Variants in LY75 observed in about 807,000 individuals in gnomAD.
The protein encoded by LY75 is lymphocyte antigen 75, also known as C-type lectin domain family 13 member B.
Under a neutral mutation model 231.7 loss-of-function variants are expected in LY75, and 185 were observed. The ratio of observed to expected loss-of-function variants is 0.80; its 90% confidence interval spans 0.71 to 0.90. The LOEUF is 0.90. LY75 is among the 40% of genes least tolerant of loss of function. The probability of loss-of-function intolerance (pLI) is 0.00; values close to 1 mark genes in which losing one functional copy is unlikely to be tolerated. For missense variants in LY75, 1,947 were observed against 2,050.2 expected (o/e 0.95, Z 0.97); for synonymous variants, 668 against 689.0 (o/e 0.97, Z 0.48).
intron 25 of LY75, among the ~76,000 whole-genome samples, chr2:159,839,344 A>G (rs1162091850): frequency 6.6e-6 from 1 of 152,174 alleles, no homozygotes; most frequent in Non-Finnish European, 1.5e-5. Flanking sequence ...GCTTTATTTA[A>G]AAATCCCTTA....
chr2:159,858,257 T>G, intron 16 of LY75, 105 bp downstream of exon 16: 1 of 1,405,190 alleles, frequency 7.1e-7, no homozygotes, highest in Non-Finnish European at 9.6e-7. Flanking sequence ...ATCATAGGCT[T>G]TTAGACATCA....
intron 13 of LY75, among the ~76,000 whole-genome samples, chr2:159,868,329 TTTTATG>T (rs1292703513): frequency 6.6e-6 from 1 of 152,172 alleles, no homozygotes; most frequent in African/African-American, 2.4e-5. Flanking sequence ...TGTGCATTAC[TTTTATG>T]ATTAGAAAAA....
chr2:159,808,946 A>T (rs1443657896), intron 32 of LY75, among the ~76,000 whole-genome samples: 1 of 152,222 alleles, frequency 6.6e-6, no homozygotes, highest in Non-Finnish European at 1.5e-5. Context: ...CCAGACCCTC[A>T]TGCCTCCAAG....
intron 33 of LY75, chr2:159,807,895 C>G (rs1682834666): frequency 1.0e-6 from 1 of 985,290 alleles, no homozygotes; most frequent in Non-Finnish European, 1.2e-6. Flanking sequence ...AATCAATTAT[C>G]TGCAATTTTA....
At position 159,892,685 on chromosome 2, in the gene LY75, C is replaced by G. The variant is rs548199660; in HGVS notation, c.637+1229G>C. 7.2e-4 allele frequency among the ~76,000 whole-genome samples: 110 copies of G among 152,272 alleles called. 1 individual carries two copies. Among genetic ancestry groups the G allele is most frequent in the Admixed American group, 2.2e-3 (34 of 15,294 alleles). ...TATCACATGTCAGGTACCGTGATCC[C>G]CTGTAACTCTCACCTAATTGGTGAG... On this transcript the variant is annotated intron_variant, in intron 3 of 34. Transcript: ENST00000263636.
rs114320498 is a variant in LY75 at position 159,879,291 on chromosome 2, C to A, written c.1483G>T (p.Ala495Ser). ...GGAGGACACATCTTATCAGAACTTG[C>A]GTCATTCAGTTTTTCTCCCTTTCTC... ...CKRKGEKLND[A>S]SSDKMCPPDE... The change falls in exon 9 of 35, where the codon GCA (alanine) becomes TCA (serine). Residue 495 changes from alanine (A) to serine (S), a missense_variant. Transcript: ENST00000263636. 5 of 1,613,584 alleles carry A rather than the reference C, an allele frequency of 3.1e-6. No homozygotes were observed. The African/African-American group carries it at 5.3e-5, about 17-fold the overall frequency.
Position 159,823,467 on chromosome 2 carries a change from G to A in LY75, c.3959-3547C>T, listed in dbSNP as rs143383703. On this transcript the variant is annotated intron_variant, in intron 28 of 34. Transcript: ENST00000263636. ...GACTATGTGAAAAGACCAAATCTAC[G>A]TTTGACTGGTGTACCTGAAAGTGAT... Among the ~76,000 whole-genome samples the A allele has an allele frequency of 1.5e-4, 23 of 152,136 alleles. 1 individual carries two copies. The highest frequency in any genetic ancestry group is 8.5e-4 in the Admixed American group (13 of 15,284).
At chr2:159,846,009 G>T (rs1684192081) in intron 23 of LY75, among the ~76,000 whole-genome samples, 1 of 151,302 alleles carries the variant, frequency 6.6e-6, no homozygotes, top group South Asian at 2.1e-4. Flanking sequence ...TGTTGCCCAG[G>T]CTGGTCTCTG....
intron 14 of LY75, 33 bp from the exon 15 acceptor site, chr2:159,860,922 A>G (rs1171471850): frequency 1.9e-6 from 3 of 1,612,460 alleles, no homozygotes; most frequent in Admixed American, 3.3e-5. Context: ...AGAATTTAAG[A>G]CTGATGTATA....
At chr2:159,861,483 C>A (rs528890564) in intron 14 of LY75, among the ~76,000 whole-genome samples, 1 of 152,206 alleles carries the variant, frequency 6.6e-6, no homozygotes, top group African/African-American at 2.4e-5. Context: ...CACAGTGACT[C>A]ATGCTGGTAA....
intron 4 of LY75, among the ~76,000 whole-genome samples, chr2:159,888,195 T>C (rs1685649318): frequency 6.6e-6 from 1 of 152,036 alleles, no homozygotes; most frequent in Admixed American, 6.6e-5. Flanking sequence ...TAAAAAGAGA[T>C]AAAGATATCT....
At chr2:159,818,351 G>A (rs1463100667) in intron 29 of LY75, among the ~76,000 whole-genome samples, 1 of 152,162 alleles carries the variant, frequency 6.6e-6, no homozygotes, top group Non-Finnish European at 1.5e-5. Context: ...AAGTGAGAAT[G>A]CTCCCTCACA....
chr2:159,893,651 T>C (rs1041743271), intron 3 of LY75, among the ~76,000 whole-genome samples: 2 of 152,114 alleles, frequency 1.3e-5, no homozygotes, highest in African/African-American at 2.4e-5. Flanking sequence ...GCATGCCTTT[T>C]CCACACTTCC....
intron 27 of LY75, among the ~76,000 whole-genome samples, chr2:159,833,198 G>A (rs1031858271): frequency 6.8e-6 from 1 of 146,644 alleles, no homozygotes. Flanking sequence ...TTCAATCACA[G>A]CTCACTGCAC....
At chr2:159,842,159 T>C (rs1203299592) in intron 24 of LY75, 86 bp downstream of exon 24, 1 of 1,473,296 alleles carries the variant, frequency 6.8e-7, no homozygotes, top group African/African-American at 1.6e-5. Flanking sequence ...TTCCCCTCCC[T>C]CCCTATAGAA....
intron 23 of LY75, 67 bp from the exon 24 acceptor site, chr2:159,842,441 G>C: frequency 6.7e-7 from 1 of 1,489,308 alleles, no homozygotes; most frequent in Non-Finnish European, 9.0e-7. Context: ...AGCAAGAAAA[G>C]TTTAGATTCT....
At chr2:159,883,408 T>A (rs192232618) in intron 6 of LY75, among the ~76,000 whole-genome samples, 27 of 152,254 alleles carry the variant, frequency 1.8e-4, no homozygotes, top group African/African-American at 6.3e-4. Flanking sequence ...TGAAATAGCA[T>A]GTATTATTGT....
intron 2 of LY75, among the ~76,000 whole-genome samples, chr2:159,897,417 GA>G (rs1389846532): frequency 7.9e-5 from 12 of 152,286 alleles, no homozygotes; most frequent in African/African-American, 2.9e-4. Context: ...CTTTTAGGAG[GA>G]AACTGGCTCG....
chr2:159,808,490 ATGT>A lies in LY75; in HGVS notation c.4778_4780del (p.Asn1593del), dbSNP rs765215522. 7 of 1,613,796 alleles carry A rather than the reference ATGT, an allele frequency of 4.3e-6. No individual in the cohort carries two copies. The African/African-American group carries it at 8.0e-5, about 18-fold the overall frequency. On this transcript the variant is annotated inframe_deletion, in exon 33 of 35. Transcript: ENST00000263636. ...TAATCCAAGCCAAACTCTCATGGTA[ATGT>A]TATTATTTTCCCTCATCAGTCTGCT...
Sources: allele counts gnomAD v4.1 joint callset (sites outside exome capture counted in the v4.1 genomes callset), GRCh38; gene constraint gnomAD v4.1.1; transcripts MANE v1.5; gene names NCBI Gene and HGNC (gene_info 2026-07-23, HGNC 2026-07-21).